CUX2: variants seen among roughly 807,000 people sequenced by gnomAD.
CUX2 encodes homeobox protein cut-like 2.
Under a neutral mutation model 144.8 loss-of-function variants are expected in CUX2, and 40 were observed. That is an observed-to-expected ratio of 0.28 (90% CI 0.21 to 0.36). The LOEUF (loss-of-function observed/expected upper bound fraction) is 0.36. Ranked by LOEUF, CUX2 falls within the 10% of genes least tolerant of loss-of-function variation. CUX2 has a pLI of 1.00. For synonymous variants in CUX2, 827 were observed against 875.6 expected, an observed-to-expected ratio of 0.94 and a Z score of 0.98; for missense variants, 1,615 against 1,994.0, an observed-to-expected ratio of 0.81 and a Z score of 3.62.
At chr12:111,090,159 G>A (rs934067944) in intron 1 of CUX2, among the ~76,000 whole-genome samples, 1 of 152,158 alleles carries the variant, frequency 6.6e-6, no homozygotes, top group African/African-American at 2.4e-5. Context: ...GACCAGCTAG[G>A]GACATTTGTC....
At chr12:111,101,380 G>A (rs190276163) in intron 1 of CUX2, among the ~76,000 whole-genome samples, 11 of 152,266 alleles carry the variant, frequency 7.2e-5, no homozygotes, top group Admixed American at 2.0e-4. Context: ...CCCTACAGCC[G>A]CTTCTCCAGG....
intron 1 of CUX2, among the ~76,000 whole-genome samples, chr12:111,201,359 C>T (rs908544072): frequency 2.0e-5 from 3 of 152,158 alleles, no homozygotes; most frequent in African/African-American, 4.8e-5. Context: ...GGCTCCCAAT[C>T]GCTTCTTGCC....
intron 1 of CUX2, among the ~76,000 whole-genome samples, chr12:111,158,468 T>C (rs957499227): frequency 6.6e-6 from 1 of 150,390 alleles, no homozygotes; most frequent in African/African-American, 2.5e-5. Flanking sequence ...GAATTAATTT[T>C]TATTAAAAAA....
At chr12:111,238,702 A>G (rs1193530871) in intron 3 of CUX2, among the ~76,000 whole-genome samples, 1 of 151,182 alleles carries the variant, frequency 6.6e-6, no homozygotes, top group African/African-American at 2.5e-5. Flanking sequence ...TTATGTATAT[A>G]TAAATACATC....
intron 1 of CUX2, among the ~76,000 whole-genome samples, chr12:111,146,290 T>C (rs765044039): frequency 8.5e-5 from 13 of 152,222 alleles, no homozygotes; most frequent in African/African-American, 2.9e-4. Context: ...ACCATTGTAG[T>C]ATCATGAAGA....
chr12:111,101,660 A>G (rs1873248183), intron 1 of CUX2, among the ~76,000 whole-genome samples: 1 of 152,036 alleles, frequency 6.6e-6, no homozygotes, highest in Non-Finnish European at 1.5e-5. Context: ...GGCTTCAAAC[A>G]CTGTGTGGCC....
chr12:111,079,960 C>G (rs1253123671), intron 1 of CUX2, among the ~76,000 whole-genome samples: 1 of 152,226 alleles, frequency 6.6e-6, no homozygotes, highest in East Asian at 1.9e-4. Context: ...GGTCTAATGT[C>G]AGAAGTCCTG....
chr12:111,263,932 A>G lies in CUX2; in HGVS notation c.301+93A>G. On this transcript the variant is annotated intron_variant, in intron 4 of 21. Transcript: ENST00000261726. This position sits in a 1 kb window ranked among gnomAD's most constrained non-coding sequence, Gnocchi z 4.0. ...AGGGACTTTGAGGTGGGATGTGGGG[A>G]CATGCCTGGGCTCCTGGGTGAGGCC... 8.0e-7 allele frequency: 1 copy of G among 1,249,188 alleles called. No homozygotes were observed. Among genetic ancestry groups the G allele is most frequent in the Non-Finnish European group, 1.2e-6 (1 of 852,098 alleles). The allele number at this position is 1,249,188 out of a possible 1,614,324, so 77.4% of individuals were successfully genotyped here.
chr12:111,162,816 C>A (rs1320236325), intron 1 of CUX2, among the ~76,000 whole-genome samples: 1 of 152,112 alleles, frequency 6.6e-6, no homozygotes, highest in East Asian at 1.9e-4. Context: ...GAGGCCAAGG[C>A]AGGCAGATCA....
Position 111,308,469 on chromosome 12 carries a change from G to T in CUX2, c.1201G>T (p.Ala401Ser). The T allele has an allele frequency of 6.2e-7, 1 of 1,614,144 alleles. No individual in the cohort carries two copies. Among genetic ancestry groups the T allele is most frequent in the Non-Finnish European group, 8.5e-7 (1 of 1,180,020 alleles). ...PEDSLLIAKE[A>S]FFPTQKFLLE... Reference sequence around the variant, plus strand: ...AGACTCACTGCTTATTGCAAAGGAGGCCTTCTTCCCCACGCAGAAATTCCT... The same window carrying T: ...AGACTCACTGCTTATTGCAAAGGAGTCCTTCTTCCCCACGCAGAAATTCCT... Residue 401 changes from alanine to serine, a missense_variant, in exon 14 of 22, where the codon GCC becomes TCC. Ala to Ser is a moderately conservative substitution (Grantham distance 99). Around this residue, in one of 12 missense-constraint regions of CUX2, gnomAD observed 57 missense variants for 60.8 expected, o/e 0.94. Transcript: ENST00000261726.
At chr12:111,243,067 T>A (rs1366299619) in intron 3 of CUX2, among the ~76,000 whole-genome samples, 2 of 152,170 alleles carry the variant, frequency 1.3e-5, no homozygotes. Flanking sequence ...TATTCCATGG[T>A]GTATATGTGC....
At position 111,293,477 on chromosome 12, in the gene CUX2, C is replaced by T; in HGVS notation, c.468C>T (p.Pro156=). The change falls in exon 6 of 22, where the codon CCC becomes CCT. Residue 156 remains proline, a synonymous_variant. Coordinates refer to ENST00000261726, the MANE Select transcript of CUX2 (RefSeq NM_015267.4). This position sits in a 1 kb window ranked among gnomAD's most constrained non-coding sequence, Gnocchi z 4.5. ...EQREGTSPAG[P]TLTEGSRLPG... ...GAGAGGGGACGTCGCCTGCCGGGCC[C>T]ACGCTGACCGAGGGAAGCCGCCTCC... 6.2e-7 allele frequency: 1 copy of T among 1,608,890 alleles called. No homozygotes were observed. Among genetic ancestry groups the T allele is most frequent in the Middle Eastern group, 1.9e-4 (1 of 5,272 alleles).
intron 1 of CUX2, among the ~76,000 whole-genome samples, chr12:111,118,193 ACAGATATT>A (rs781242916): frequency 7.9e-5 from 12 of 152,194 alleles, no homozygotes; most frequent in Non-Finnish European, 4.4e-5. Flanking sequence ...CTTACTAAAC[ACAGATATT>A]CAAAGGTAAG....
At chr12:111,046,485 G>A (rs554876489) in intron 1 of CUX2, among the ~76,000 whole-genome samples, 2 of 152,280 alleles carry the variant, frequency 1.3e-5, no homozygotes, top group African/African-American at 2.4e-5. Flanking sequence ...GCCAGGAAGC[G>A]GCCCAGCCTG....
intron 16 of CUX2, among the ~76,000 whole-genome samples, chr12:111,314,705 G>T (rs1197167276): frequency 6.9e-6 from 1 of 145,456 alleles, no homozygotes; most frequent in African/African-American, 2.6e-5. Flanking sequence ...TTAGCTAGGT[G>T]TGGTGGCACA....
intron 15 of CUX2, among the ~76,000 whole-genome samples, chr12:111,311,611 T>TA (rs1304066018): frequency 6.7e-6 from 1 of 150,124 alleles, no homozygotes; most frequent in African/African-American, 2.5e-5. Flanking sequence ...TTATTTTTTT[T>TA]TTTTTGAGAC....
At chr12:111,172,650 T>C (rs1219971421) in intron 1 of CUX2, among the ~76,000 whole-genome samples, 3 of 152,204 alleles carry the variant, frequency 2.0e-5, no homozygotes, top group African/African-American at 7.2e-5. Context: ...CCTCGAGCTG[T>C]CTGGGGTTCT....
intron 16 of CUX2, among the ~76,000 whole-genome samples, chr12:111,313,913 T>A (rs1887039588): frequency 6.6e-6 from 1 of 152,120 alleles, no homozygotes; most frequent in Admixed American, 6.5e-5. Flanking sequence ...GACTCCGGTT[T>A]CAAAGCCCTC....
Position 111,132,087 on chromosome 12 carries a change from T to G in CUX2, c.64-82113T>G, listed in dbSNP as rs1313995920. On this transcript the variant is annotated intron_variant, in intron 1 of 21. Coordinates refer to ENST00000261726, the MANE Select transcript of CUX2 (RefSeq NM_015267.4). Reference sequence around the variant, plus strand: ...CCTGCAGCAAACTTTTGCCTGGTCATCCAGGCATTTCCATACATCTTCTGA... The same window carrying G: ...CCTGCAGCAAACTTTTGCCTGGTCAGCCAGGCATTTCCATACATCTTCTGA... Among the ~76,000 whole-genome samples the G allele has an allele frequency of 4.6e-5, 7 of 152,360 alleles. No homozygotes were observed. In the East Asian group the frequency reaches 1.4e-3, roughly 29 times the overall value.
Sources: gnomAD v4.1 joint callset for allele counts (sites outside exome capture counted in the v4.1 genomes callset) on GRCh38, gnomAD v4.1.1 for gene constraint, gnomAD v4.1.1 regional missense constraint, Gnocchi (gnomAD v3.1) non-coding constraint, MANE v1.5 for transcripts, NCBI Gene and HGNC (gene_info 2026-07-23, HGNC 2026-07-21) for gene names.